The following ZC3H11A variants were observed in gnomAD, a reference collection of about 807,000 sequenced individuals.
ZC3H11A encodes the protein zinc finger CCCH-type containing 11A.
A neutral mutation model predicts 90.8 loss-of-function variants in ZC3H11A; 22 were observed. The ratio of observed to expected loss-of-function variants is 0.24; its 90% CI spans 0.17 to 0.35. The LOEUF is 0.35. Ranked by LOEUF, ZC3H11A falls within the 10% of genes least tolerant of loss-of-function variation. ZC3H11A has a pLI of 1.00. For synonymous variants in ZC3H11A, 294 were observed against 339.8 expected, an observed-to-expected ratio of 0.87 and a Z score of 1.48; for missense variants, 701 against 964.9, an observed-to-expected ratio of 0.73 and a Z score of 3.62.
intron 2 of ZC3H11A, chr1:203,805,501 A>G (rs1672017434): frequency 5.3e-5 from 24 of 449,664 alleles, no homozygotes; most frequent in South Asian, 4.0e-4. Flanking sequence ...TAGAAGAGCA[A>G]TGTAATTAAA....
At chr1:203,845,203 G>A (rs1221350898) in intron 12 of ZC3H11A, among the ~76,000 whole-genome samples, 1 of 152,104 alleles carries the variant, frequency 6.6e-6, no homozygotes, top group Non-Finnish European at 1.5e-5. Flanking sequence ...CTCTGCCAGT[G>A]ACATCCTTAT....
chr1:203,797,452 A>C, intron 1 of ZC3H11A: 100 of 1,283,960 alleles, frequency 7.8e-5, no homozygotes, highest in Non-Finnish European at 9.8e-5. Context: ...GTAGAGAGGA[A>C]CAGCTGTATT....
intron 8 of ZC3H11A, among the ~76,000 whole-genome samples, chr1:203,830,831 G>A (rs1253482703): frequency 6.7e-6 from 1 of 148,312 alleles, no homozygotes; most frequent in Non-Finnish European, 1.5e-5. Flanking sequence ...AAGGAAAAAC[G>A]TCATTTTCTA....
At chr1:203,833,734 TTACTGAATACAGAA>T in intron 9 of ZC3H11A, 43 bp from the exon 10 acceptor site, 1 of 1,497,614 alleles carries the variant, frequency 6.7e-7, no homozygotes, top group Non-Finnish European at 9.2e-7. Context: ...CCATTAGTAG[TTACTGAATACAGAA>T]AAATTGACTA....
chr1:203,830,100 A>G (rs376116297), intron 7 of ZC3H11A, 23 bp from the exon 8 acceptor site: 3 of 1,566,388 alleles, frequency 1.9e-6, no homozygotes, highest in African/African-American at 2.7e-5. Context: ...CGTTCCTCAT[A>G]AAATTTCTAT....
At chr1:203,804,974 G>C (rs1236246469) in intron 2 of ZC3H11A, among the ~76,000 whole-genome samples, 3 of 151,792 alleles carry the variant, frequency 2.0e-5, no homozygotes, top group Non-Finnish European at 4.4e-5. Flanking sequence ...TGCCCGGCCT[G>C]TCTCGTCTTT....
intron 2 of ZC3H11A, among the ~76,000 whole-genome samples, chr1:203,807,487 A>T (rs1209156320): frequency 1.3e-5 from 2 of 151,386 alleles, no homozygotes; most frequent in Non-Finnish European, 2.9e-5. Context: ...TTGGGTTTGT[A>T]ATATATGTGA....
intron 1 of ZC3H11A, chr1:203,799,927 A>G: frequency 1.3e-6 from 2 of 1,536,146 alleles, no homozygotes; most frequent in Non-Finnish European, 1.7e-6. Context: ...GTCTGTAATT[A>G]TATGGAATCT....
At chr1:203,820,468 A>ATGTGTGTGTGTGTGTGTGTGTGTGTGTG (rs71145033) in intron 4 of ZC3H11A, among the ~76,000 whole-genome samples, 1,876 of 150,458 alleles carry the variant, frequency 0.012, 18 homozygotes, top group South Asian at 0.04. Flanking sequence ...ATCACAAATT[A>ATGTGTGTGTGTGTGTGTGTGTGTGTGTG]TGTGTGTGTG....
chr1:203,799,617 A>G lies in ZC3H11A; in HGVS notation c.-1587-1958A>G, dbSNP rs1345881117. On this transcript the variant is annotated intron_variant, in intron 1 of 17. Coordinates refer to ENST00000367210, the MANE Select transcript of ZC3H11A (RefSeq NM_001376342.1). ...TATTCTTAAGCCATTTGAGGAGGCT[A>G]CCCAGAAAGTGAGCGTGAAGACCGC... The G allele has an allele frequency of 4.3e-6, 3 of 703,200 alleles. No homozygotes were observed. In the Admixed American group the frequency reaches 6.0e-5, roughly 14 times the overall value. The allele number at this position is 703,200 out of a possible 1,614,324, so 43.6% of individuals were successfully genotyped here.
intron 2 of ZC3H11A, among the ~76,000 whole-genome samples, chr1:203,809,751 C>T (rs1162291169): frequency 1.3e-5 from 2 of 151,914 alleles, no homozygotes; most frequent in African/African-American, 4.8e-5. Context: ...GTCAGGAGTT[C>T]GAGACCAATC....
At chr1:203,818,314 C>T (rs1677063514) in intron 3 of ZC3H11A, among the ~76,000 whole-genome samples, 1 of 149,692 alleles carries the variant, frequency 6.7e-6, no homozygotes, top group Non-Finnish European at 1.5e-5. Context: ...AACACTCCTA[C>T]TTGTCTTTTT....
At chr1:203,837,849 GC>G (rs1242697942) in intron 10 of ZC3H11A, 116 bp from the exon 11 acceptor site, 1 of 909,244 alleles carries the variant, frequency 1.1e-6, no homozygotes, top group East Asian at 2.5e-5. Context: ...GAACAAACAC[GC>G]CATATGTATG....
In ZC3H11A at chr1:203,840,290, ATCTT is replaced by A. The variant is rs780965927; in HGVS notation, c.974-10_974-7del. 3 of 1,611,312 alleles carry A rather than the reference ATCTT, an allele frequency of 1.9e-6. No homozygotes were observed. Among genetic ancestry groups the A allele is most frequent in the South Asian group, 1.1e-5 (1 of 90,740 alleles). On this transcript the variant is annotated splice_polypyrimidine_tract_variant and intron_variant, in intron 11 of 17. Coordinates refer to ENST00000367210, the MANE Select transcript of ZC3H11A (RefSeq NM_001376342.1). ...TCTGTTCAACTTTTGATTTTTGAAAATCTTTCTTTTCACAGCTCAAGTTTCCAAG... is the reference window on the plus strand; with the variant it reads ...TCTGTTCAACTTTTGATTTTTGAAAATCTTTTCACAGCTCAAGTTTCCAAG...
At chr1:203,811,354 G>T (rs1315994943) in intron 2 of ZC3H11A, among the ~76,000 whole-genome samples, 3 of 152,134 alleles carry the variant, frequency 2.0e-5, no homozygotes, top group Non-Finnish European at 4.4e-5. Flanking sequence ...CCAAAAAATT[G>T]TAAATTCTGC....
At chr1:203,840,833 C>T (rs1174752548) in intron 12 of ZC3H11A, among the ~76,000 whole-genome samples, 2 of 151,936 alleles carry the variant, frequency 1.3e-5, no homozygotes, top group Admixed American at 6.6e-5. Flanking sequence ...GGGGTTTCAC[C>T]ATGTTGGTCA....
At chr1:203,849,016 C>T (rs958392852) in intron 14 of ZC3H11A, among the ~76,000 whole-genome samples, 9 of 152,260 alleles carry the variant, frequency 5.9e-5, no homozygotes, top group African/African-American at 2.2e-4. Context: ...TCCCATGTAG[C>T]TGGGATCAAA....
chr1:203,838,634 T>C (rs992043894), intron 11 of ZC3H11A, among the ~76,000 whole-genome samples: 15 of 152,256 alleles, frequency 9.9e-5, no homozygotes, highest in African/African-American at 2.6e-4. Flanking sequence ...GGACTTATTC[T>C]AAGATAGTAA....
intron 1 of ZC3H11A, chr1:203,796,147 A>G (rs1668406313): frequency 3.6e-6 from 1 of 279,490 alleles, no homozygotes; most frequent in Admixed American, 5.3e-5. Flanking sequence ...CCGAAAACCG[A>G]CTGTTCCCCC....
Sources: gnomAD v4.1 joint callset for allele counts (sites outside exome capture counted in the v4.1 genomes callset) on GRCh38, gnomAD v4.1.1 for gene constraint, MANE v1.5 for transcripts, NCBI Gene and HGNC (gene_info 2026-07-23, HGNC 2026-07-21) for gene names.